The following CSMD1 variants were observed in gnomAD, a reference collection of about 807,000 sequenced individuals.
CSMD1 encodes CUB and sushi domain-containing protein 1.
A neutral mutation model predicts 417.5 loss-of-function variants in CSMD1; 213 were observed. That is an observed-to-expected ratio of 0.51 (90% confidence interval 0.46 to 0.57). The LOEUF (loss-of-function observed/expected upper bound fraction) is 0.57, where lower values mean the gene tolerates loss of function less well. Among genes scored for constraint, CSMD1 ranks in the 20% least tolerant of loss-of-function variants. The probability of loss-of-function intolerance (pLI) is 0.00; values close to 1 mark genes in which losing one functional copy is unlikely to be tolerated. For synonymous variants in CSMD1, 2,862 were observed against 1,736.8 expected (o/e 1.65, Z -16.11); for missense variants, 6,923 against 4,529.7 (o/e 1.53, Z -15.17).
chr8:4,637,156 C>T (rs1001734976), intron 2 of CSMD1, among the ~76,000 whole-genome samples, 186 bp downstream of exon 2: 1 of 152,110 alleles, frequency 6.6e-6, no homozygotes, highest in Non-Finnish European at 1.5e-5. Flanking sequence ...TGTTTCCCTG[C>T]CATCTTTAAG....
Position 3,574,950 on chromosome 8 carries a change from C to G in CSMD1, c.1339G>C (p.Asp447His). Residue 447 changes from aspartate (D) to histidine (H), a missense_variant, in exon 10 of 70, where the codon GAC (aspartate) becomes CAC (histidine). Coordinates refer to ENST00000635120, the MANE Select transcript of CSMD1 (RefSeq NM_033225.6). ...CVWVITTTDP[D>H]KVIKLAFEEF... is the part of the protein sequence containing the mutation. ...GGTTGGAGGCGGAGCCTTACCTTGTCCGGGTCGGTGGTGGTGATGACCCAC... is the reference window on the plus strand; with the variant it reads ...GGTTGGAGGCGGAGCCTTACCTTGTGCGGGTCGGTGGTGGTGATGACCCAC... 6.2e-7 allele frequency: 1 copy of G among 1,612,062 alleles called. No homozygotes were observed. The highest frequency in any genetic ancestry group is 2.2e-5 in the East Asian group (1 of 44,856).
At chr8:2,992,222 T>C (rs1267239577) in intron 54 of CSMD1, among the ~76,000 whole-genome samples, 1 of 151,620 alleles carries the variant, frequency 6.6e-6, no homozygotes, top group Non-Finnish European at 1.5e-5. Flanking sequence ...CACACACACA[T>C]GCACACATGC....
intron 5 of CSMD1, among the ~76,000 whole-genome samples, chr8:3,879,824 G>A (rs892494450): frequency 3.6e-5 from 5 of 140,554 alleles, no homozygotes; most frequent in Admixed American, 6.8e-5. Flanking sequence ...AGTGTGTACC[G>A]GTGTGCGTGT....
chr8:4,137,989 C>A (rs1042417244), intron 3 of CSMD1, among the ~76,000 whole-genome samples: 4 of 149,522 alleles, frequency 2.7e-5, no homozygotes, highest in African/African-American at 9.8e-5. Flanking sequence ...GCCATTCTCC[C>A]GCCTCAGCCT....
At chr8:3,388,278 C>A (rs1464988433) in intron 17 of CSMD1, among the ~76,000 whole-genome samples, 1 of 152,104 alleles carries the variant, frequency 6.6e-6, no homozygotes, top group Non-Finnish European at 1.5e-5. Flanking sequence ...CCTTTGCTAA[C>A]GATGGGAAAA....
At chr8:4,300,247 C>G (rs551958320) in intron 3 of CSMD1, among the ~76,000 whole-genome samples, 1 of 152,228 alleles carries the variant, frequency 6.6e-6, no homozygotes, top group African/African-American at 2.4e-5. Flanking sequence ...CGTTTGTAAA[C>G]ACAGAGCTTT....
At position 4,358,988 on chromosome 8, in the gene CSMD1, A is replaced by C. The variant is rs142465008; in HGVS notation, c.415+60965T>G. ...TGTGCACACACACACACACACATTT[A>C]AGTTGACATATATAGGCATATAATA... On this transcript the variant is annotated intron_variant, in intron 3 of 69. Transcript: ENST00000635120. Among the ~76,000 whole-genome samples the C allele has an allele frequency of 1.8e-4, 27 of 152,010 alleles. 1 individual carries two copies. Among genetic ancestry groups the C allele is most frequent in the African/African-American group, 6.3e-4 (26 of 41,436 alleles).
chr8:4,580,477 G>A (rs78121604), intron 2 of CSMD1, among the ~76,000 whole-genome samples: 5,314 of 152,254 alleles, frequency 0.035, 255 homozygotes, highest in African/African-American at 0.12. Context: ...GAGGCATAGC[G>A]AAGTTATGGA....
chr8:4,464,129 C>G (rs758997695), intron 2 of CSMD1, among the ~76,000 whole-genome samples: 34 of 148,966 alleles, frequency 2.3e-4, no homozygotes, highest in Non-Finnish European at 3.7e-4. Flanking sequence ...AACCTTGAGT[C>G]GAAGGCTTAT....
At chr8:4,010,357 G>A (rs1816448890) in intron 4 of CSMD1, among the ~76,000 whole-genome samples, 1 of 152,074 alleles carries the variant, frequency 6.6e-6, no homozygotes, top group African/African-American at 2.4e-5. Context: ...ACTATTCCAA[G>A]AAGATTTAAA....
chr8:4,921,036 G>A (rs1348280602), intron 1 of CSMD1, among the ~76,000 whole-genome samples: 1 of 118,162 alleles, frequency 8.5e-6, no homozygotes, highest in Non-Finnish European at 1.8e-5. Context: ...AAGAAAGAAA[G>A]GAAGGAAGAA....
chr8:3,313,492 C>G (rs1193791827), intron 23 of CSMD1, among the ~76,000 whole-genome samples: 2 of 152,130 alleles, frequency 1.3e-5, no homozygotes, highest in Non-Finnish European at 2.9e-5. Context: ...ATTTATGCAG[C>G]CAAAAGACAC....
intron 3 of CSMD1, among the ~76,000 whole-genome samples, chr8:4,225,043 C>G (rs1020114568): frequency 1.2e-4 from 18 of 152,266 alleles, no homozygotes; most frequent in African/African-American, 4.1e-4. Context: ...ACCCTAGAGG[C>G]AGAGGTTGCA....
intron 41 of CSMD1, among the ~76,000 whole-genome samples, chr8:3,134,344 C>G (rs1346672153): frequency 6.6e-6 from 1 of 152,168 alleles, no homozygotes; most frequent in Admixed American, 6.5e-5. Context: ...GCAGCCACAG[C>G]GGACATCTGG....
intron 3 of CSMD1, among the ~76,000 whole-genome samples, chr8:4,288,930 T>A (rs561187915): frequency 6.6e-6 from 1 of 152,276 alleles, no homozygotes; most frequent in African/African-American, 2.4e-5. Context: ...ATATATAACA[T>A]TAAATTACAC....
intron 3 of CSMD1, among the ~76,000 whole-genome samples, chr8:4,070,800 C>A (rs1340155892): frequency 1.3e-5 from 2 of 152,214 alleles, no homozygotes; most frequent in African/African-American, 4.8e-5. Context: ...ATAGCTTCCT[C>A]TGATTTTCTG....
intron 21 of CSMD1, among the ~76,000 whole-genome samples, chr8:3,348,561 C>T (rs2117641545): frequency 6.6e-6 from 1 of 152,294 alleles, no homozygotes; most frequent in East Asian, 1.9e-4. Flanking sequence ...CCCATTCTAC[C>T]ATTGTTTGTC....
chr8:4,674,885 G>A (rs1294416959), intron 1 of CSMD1, among the ~76,000 whole-genome samples: 2 of 152,122 alleles, frequency 1.3e-5, no homozygotes, highest in African/African-American at 4.8e-5. Context: ...GTTAGAAGGT[G>A]GAGACTCTCA....
At chr8:3,735,653 C>T (rs371294111) in intron 6 of CSMD1, among the ~76,000 whole-genome samples, 53 of 152,286 alleles carry the variant, frequency 3.5e-4, no homozygotes, top group Admixed American at 1.0e-3. Flanking sequence ...CTGGTTCACT[C>T]GGCTGAGAAA....
Sources: allele counts gnomAD v4.1 joint callset (sites outside exome capture counted in the v4.1 genomes callset), GRCh38; gene constraint gnomAD v4.1.1; transcripts MANE v1.5; gene names NCBI Gene and HGNC (gene_info 2026-07-23, HGNC 2026-07-21).